Variants in CYP7B1 observed in about 807,000 individuals in gnomAD.
CYP7B1 encodes cytochrome P450 7B1.
Under a neutral mutation model 42.7 loss-of-function variants are expected in CYP7B1, and 29 were observed. The ratio of observed to expected loss-of-function variants is 0.68; its 90% CI spans 0.51 to 0.93. The LOEUF (loss-of-function observed/expected upper bound fraction) is 0.93, where lower values mean the gene tolerates loss of function less well. Among genes scored for constraint, CYP7B1 ranks in the 40% least tolerant of loss-of-function variants. The pLI, the probability that CYP7B1 is intolerant of heterozygous loss-of-function variation, is 0.00. For missense variants in CYP7B1, 655 were observed against 600.5 expected, an observed-to-expected ratio of 1.09 and a Z score of -0.95; for synonymous variants, 235 against 218.2, an observed-to-expected ratio of 1.08 and a Z score of -0.68.
At chr8:64,683,593 T>C (rs147804531) in intron 1 of CYP7B1, among the ~76,000 whole-genome samples, 198 of 152,294 alleles carry the variant, frequency 1.3e-3, no homozygotes, top group African/African-American at 4.5e-3. Flanking sequence ...AGAGTGTAAT[T>C]GGATTGCTTG....
intron 1 of CYP7B1, among the ~76,000 whole-genome samples, chr8:64,646,244 C>T (rs1006376265): frequency 6.6e-6 from 1 of 151,916 alleles, no homozygotes; most frequent in Non-Finnish European, 1.5e-5. Flanking sequence ...AAAGAAACTA[C>T]CATCAGAGTG....
intron 1 of CYP7B1, among the ~76,000 whole-genome samples, chr8:64,794,197 AAAG>A (rs1804668163): frequency 6.6e-6 from 1 of 152,134 alleles, no homozygotes; most frequent in Admixed American, 6.6e-5. Flanking sequence ...AAAATCTAGA[AAAG>A]AAGGAGGCAC....
At chr8:64,612,684 C>T (rs1805379584) in intron 4 of CYP7B1, among the ~76,000 whole-genome samples, 1 of 152,050 alleles carries the variant, frequency 6.6e-6, no homozygotes, top group East Asian at 1.9e-4. Context: ...GTGCCCAAAT[C>T]CTCCTTCCTG....
At chr8:64,752,248 A>G (rs1382897625) in intron 1 of CYP7B1, among the ~76,000 whole-genome samples, 1 of 152,200 alleles carries the variant, frequency 6.6e-6, no homozygotes, top group Non-Finnish European at 1.5e-5. Flanking sequence ...TAGCTAGATC[A>G]TGAGTGATAC....
chr8:64,783,820 A>G (rs1200309310), intron 1 of CYP7B1, among the ~76,000 whole-genome samples: 1 of 152,182 alleles, frequency 6.6e-6, no homozygotes, highest in Admixed American at 6.5e-5. Flanking sequence ...TCACAAAGAG[A>G]CAAATGCAAA....
chr8:64,665,559 G>GTTTTTTTTTTT lies in CYP7B1; in HGVS notation c.123-41031_123-41021dup, dbSNP rs540578806. On this transcript the variant is annotated intron_variant, in intron 1 of 5. Coordinates refer to ENST00000310193, the MANE Select transcript of CYP7B1 (RefSeq NM_004820.5). ...ATTTTAAGTGTTTTTTTTTTTGGTG[G>GTTTTTTTTTTT]TTTTTTTTTTTTTTTTTTTTTTTTT... is the stretch of plus-strand genomic sequence containing the variant. 9.6e-4 allele frequency among the ~76,000 whole-genome samples: 50 copies of GTTTTTTTTTTT among 52,024 alleles called. 4 individuals are homozygous for GTTTTTTTTTTT. The highest frequency in any genetic ancestry group is 1.4e-3 in the Non-Finnish European group (44 of 31,364). The allele number at this position is 52,024 out of a possible 152,430, so 34.1% of individuals were successfully genotyped here.
At chr8:64,616,878 A>G (rs1415089179) in intron 2 of CYP7B1, among the ~76,000 whole-genome samples, 2 of 152,228 alleles carry the variant, frequency 1.3e-5, no homozygotes, top group African/African-American at 4.8e-5. Context: ...GTTCAAGGTC[A>G]CATATTGACT....
chr8:64,699,324 T>C (rs879622200), intron 1 of CYP7B1, among the ~76,000 whole-genome samples: 1 of 152,134 alleles, frequency 6.6e-6, no homozygotes, highest in Admixed American at 6.6e-5. Flanking sequence ...AAAAGAACTG[T>C]TCATTTTTAG....
At chr8:64,763,179 T>C (rs1312042268) in intron 1 of CYP7B1, among the ~76,000 whole-genome samples, 21 of 152,204 alleles carry the variant, frequency 1.4e-4, no homozygotes, top group Admixed American at 1.4e-3. Context: ...AAGGCGCCCA[T>C]TGCTGCTCCT....
At chr8:64,726,440 T>G (rs1207302550) in intron 1 of CYP7B1, among the ~76,000 whole-genome samples, 2 of 152,176 alleles carry the variant, frequency 1.3e-5, no homozygotes, top group Non-Finnish European at 2.9e-5. Context: ...AGTTTGAATC[T>G]CACAGGGAAA....
chr8:64,719,747 A>G (rs1034543963), intron 1 of CYP7B1, among the ~76,000 whole-genome samples: 21 of 152,248 alleles, frequency 1.4e-4, no homozygotes, highest in African/African-American at 5.1e-4. Flanking sequence ...AGCCTCGATT[A>G]AAGAACAGCC....
chr8:64,748,418 A>C (rs537928979), intron 1 of CYP7B1, among the ~76,000 whole-genome samples: 3 of 152,294 alleles, frequency 2.0e-5, no homozygotes, highest in African/African-American at 7.2e-5. Flanking sequence ...CAAATCCAGT[A>C]AGTACTTCTC....
At chr8:64,729,679 C>T (rs552685972) in intron 1 of CYP7B1, among the ~76,000 whole-genome samples, 2 of 152,248 alleles carry the variant, frequency 1.3e-5, no homozygotes, top group Admixed American at 6.5e-5. Flanking sequence ...TTGAATTTCT[C>T]GTCATGAAAC....
intron 1 of CYP7B1, among the ~76,000 whole-genome samples, chr8:64,704,774 A>G (rs1407315563): frequency 6.6e-6 from 1 of 152,050 alleles, no homozygotes; most frequent in Non-Finnish European, 1.5e-5. Flanking sequence ...CAACTATCAC[A>G]TCTTAAAAAA....
intron 1 of CYP7B1, among the ~76,000 whole-genome samples, chr8:64,752,369 A>G (rs1807740840): frequency 6.7e-6 from 1 of 150,358 alleles, no homozygotes; most frequent in Non-Finnish European, 1.5e-5. Context: ...TCTGTTAAAT[A>G]AATTGTGTGT....
intron 5 of CYP7B1, among the ~76,000 whole-genome samples, chr8:64,601,859 A>G (rs1448166258): frequency 6.6e-6 from 1 of 152,218 alleles, no homozygotes; most frequent in Non-Finnish European, 1.5e-5. Context: ...GGTCCTATTT[A>G]GATGTCTCCT....
chr8:64,789,957 C>G (rs1804591483), intron 1 of CYP7B1, among the ~76,000 whole-genome samples: 1 of 152,216 alleles, frequency 6.6e-6, no homozygotes, highest in African/African-American at 2.4e-5. Context: ...CAGATTATCT[C>G]AGAGAGAATC....
At chr8:64,713,386 T>C (rs576207455) in intron 1 of CYP7B1, among the ~76,000 whole-genome samples, 4 of 151,656 alleles carry the variant, frequency 2.6e-5, no homozygotes, top group South Asian at 2.1e-4. Flanking sequence ...AAAAAATCAA[T>C]CTATCAATAA....
chr8:64,735,945 T>A (rs1807481094), intron 1 of CYP7B1, among the ~76,000 whole-genome samples: 1 of 152,212 alleles, frequency 6.6e-6, no homozygotes, highest in African/African-American at 2.4e-5. Context: ...AAGAAATTTT[T>A]AAAGGCATAA....
Sources: gnomAD v4.1 joint callset for allele counts (sites outside exome capture counted in the v4.1 genomes callset) on GRCh38, gnomAD v4.1.1 for gene constraint, MANE v1.5 for transcripts, NCBI Gene and HGNC (gene_info 2026-07-23, HGNC 2026-07-21) for gene names.